CLEC12A: variants seen among roughly 807,000 people sequenced by gnomAD.
The protein encoded by CLEC12A is C-type lectin protein CLL-1.
CLEC12A carries 22 observed loss-of-function variants against 26.5 expected under a neutral mutation model. The observed-to-expected ratio is 0.83, with a 90% confidence interval of 0.59 to 1.19. The LOEUF is 1.19. CLEC12A is among the 50% of genes most tolerant of loss of function. The probability of loss-of-function intolerance (pLI) is 0.00; values close to 1 mark genes in which losing one functional copy is unlikely to be tolerated. For missense variants in CLEC12A, 353 were observed against 315.6 expected (o/e 1.12, Z -0.90); for synonymous variants, 119 against 101.9 (o/e 1.17, Z -1.01).
At chr12:9,958,147 T>G (rs529083175) in intron 1 of CLEC12A, among the ~76,000 whole-genome samples, 3 of 152,364 alleles carry the variant, frequency 2.0e-5, no homozygotes, top group Non-Finnish European at 4.4e-5. Flanking sequence ...TTGTTCTATT[T>G]TGCAAATCAG....
downstream of CLEC12A, among the ~76,000 whole-genome samples, chr12:9,999,657 T>G (rs536734447): frequency 5.6e-4 from 86 of 152,330 alleles, 1 homozygote; most frequent in South Asian, 0.017. Flanking sequence ...TTACACAACT[T>G]CTTGCATATT....
rs1199773636 is a variant in CLEC12A, at chr12:9,953,816, T to C, written c.10+2460T>C. Among the ~76,000 whole-genome samples the C allele has an allele frequency of 2.0e-5, 3 of 152,252 alleles. No individual in the cohort carries two copies. The East Asian group carries it at 5.8e-4, about 30-fold the overall frequency. Reference sequence around the variant, plus strand: ...TGAGAAATGGGATGGTTGCCGTGTCTGTGTAGAAAGAAGTAGACATGGGAG... The same window carrying C: ...TGAGAAATGGGATGGTTGCCGTGTCCGTGTAGAAAGAAGTAGACATGGGAG... On this transcript the variant is annotated intron_variant, in intron 1 of 6. Coordinates refer to the CLEC12A transcript ENST00000355690.
chr12:9,986,725 C>T (rs1054694012), downstream of CLEC12A, among the ~76,000 whole-genome samples: 4 of 152,122 alleles, frequency 2.6e-5, no homozygotes, highest in African/African-American at 4.8e-5. Flanking sequence ...GCAGGAGAAT[C>T]GCTTGAACCC....
chr12:9,972,057 TGTG>T (rs1213057904), intron 1 of CLEC12A, among the ~76,000 whole-genome samples: 17 of 30,164 alleles, frequency 5.6e-4, no homozygotes, highest in African/African-American at 1.8e-3. Context: ...TGTGTGTGTG[TGTG>T]TTTTTTTTTT....
chr12:9,999,040 A>C, downstream of CLEC12A: 1 of 1,583,546 alleles, frequency 6.3e-7, no homozygotes, highest in East Asian at 2.2e-5. Flanking sequence ...TTCTTACCGG[A>C]GATGAGAGCT....
At chr12:9,986,415 C>T (rs1470436255), downstream of CLEC12A, among the ~76,000 whole-genome samples, 3 of 17,160 alleles carry the variant, frequency 1.7e-4, no homozygotes, top group Non-Finnish European at 2.3e-4. Flanking sequence ...ATTCCTTTAT[C>T]CCCCCCCCCC....
intron 1 of CLEC12A, among the ~76,000 whole-genome samples, chr12:9,964,652 CTATG>C (rs1476543640): frequency 6.6e-6 from 1 of 151,514 alleles, no homozygotes; most frequent in African/African-American, 2.4e-5. Context: ...CCTGAATAAT[CTATG>C]AGGAGGAGTA....
At chr12:9,988,420 T>C (rs183724933), downstream of CLEC12A, among the ~76,000 whole-genome samples, 134 of 152,240 alleles carry the variant, frequency 8.8e-4, no homozygotes, top group African/African-American at 3.0e-3. Context: ...CATCAGAGTG[T>C]ACAGGCAACC....
downstream of CLEC12A, among the ~76,000 whole-genome samples, chr12:10,000,066 C>T (rs1203592239): frequency 6.6e-6 from 1 of 152,170 alleles, no homozygotes; most frequent in Admixed American, 6.5e-5. Context: ...AGGATGTTGT[C>T]TATTTTGCCA....
chr12:9,954,081 G>A (rs1389046569), intron 1 of CLEC12A, among the ~76,000 whole-genome samples: 20 of 148,568 alleles, frequency 1.3e-4, no homozygotes, highest in Non-Finnish European at 1.9e-4. Context: ...GCGGAAGGCC[G>A]CAGGGTCCTC....
chr12:9,999,112 T>A (rs147279529), downstream of CLEC12A: 3 of 1,593,092 alleles, frequency 1.9e-6, no homozygotes, highest in Non-Finnish European at 2.6e-6. Flanking sequence ...GCTTCCCGAG[T>A]ACTGCAACTG....
chr12:9,991,704 G>A (rs752084824), intron 4 of CLEC12A: 1 of 152,088 alleles, frequency 6.6e-6, no homozygotes. Flanking sequence ...AAAGCTTTAA[G>A]AGTAACACAT....
At chr12:10,001,971 C>T in the CLEC12A span, among the ~76,000 whole-genome samples, 5 of 151,594 alleles carry the variant, frequency 3.3e-5, no homozygotes, top group South Asian at 2.1e-4. Context: ...GCTCCGCCTC[C>T]TGGGTTCACG....
chr12:9,968,144 T>C (rs1864009750), upstream of CLEC12A, among the ~76,000 whole-genome samples: 1 of 152,156 alleles, frequency 6.6e-6, no homozygotes, highest in Admixed American at 6.5e-5. Flanking sequence ...TGGTGAGATG[T>C]TCCTTGGGCT....
chr12:9,963,265 T>G (rs137963039), intron 1 of CLEC12A, among the ~76,000 whole-genome samples: 2,773 of 151,872 alleles, frequency 0.018, 41 homozygotes, highest in Non-Finnish European at 0.029. Context: ...ATCCTTGAGT[T>G]TTTTATGTTG....
At chr12:9,986,688 A>G (rs1008950887), downstream of CLEC12A, among the ~76,000 whole-genome samples, 14 of 152,120 alleles carry the variant, frequency 9.2e-5, no homozygotes, top group African/African-American at 3.4e-4. Flanking sequence ...ACACACGCCT[A>G]CAGTCCCAGC....
chr12:9,998,627 G>T (rs1865111152), downstream of CLEC12A, among the ~76,000 whole-genome samples: 1 of 107,544 alleles, frequency 9.3e-6, no homozygotes, highest in Non-Finnish European at 2.0e-5. Context: ...TGCTGTTAAG[G>T]CCTGATGTGT....
intron 1 of CLEC12A, among the ~76,000 whole-genome samples, chr12:9,965,235 C>G (rs1377250658): frequency 6.6e-6 from 1 of 152,020 alleles, no homozygotes; most frequent in Admixed American, 6.5e-5. Flanking sequence ...GGTCCCAGCT[C>G]TTGTGTAAGA....
At chr12:9,998,763 T>A (rs369067480), downstream of CLEC12A, among the ~76,000 whole-genome samples, 18 of 152,250 alleles carry the variant, frequency 1.2e-4, no homozygotes, top group East Asian at 9.7e-4. Context: ...AAAATGAAAT[T>A]TCCACTCTTT....
Sources: allele counts gnomAD v4.1 joint callset (sites outside exome capture counted in the v4.1 genomes callset), GRCh38; gene constraint gnomAD v4.1.1; transcripts MANE v1.5; gene names NCBI Gene and HGNC (gene_info 2026-07-23, HGNC 2026-07-21).